DPP6: variants seen among roughly 807,000 people sequenced by gnomAD.
DPP6 encodes dipeptidyl peptidase like 6.
In DPP6, 69 loss-of-function variants were observed where a neutral mutation model predicts 122.6. The observed-to-expected ratio is 0.56, with a 90% CI of 0.46 to 0.69. The LOEUF (loss-of-function observed/expected upper bound fraction) is 0.69, where lower values mean the gene tolerates loss of function less well. Ranked by LOEUF, DPP6 falls within the 30% of genes least tolerant of loss-of-function variation. The probability of loss-of-function intolerance (pLI) is 0.00; values close to 1 mark genes in which losing one functional copy is unlikely to be tolerated. For synonymous variants in DPP6, 418 were observed against 433.1 expected, an observed-to-expected ratio of 0.97 and a Z score of 0.43; for missense variants, 928 against 1,116.9, an observed-to-expected ratio of 0.83 and a Z score of 2.41.
chr7:154,784,738 G>A (rs1489674999), intron 10 of DPP6, among the ~76,000 whole-genome samples: 4 of 152,142 alleles, frequency 2.6e-5, no homozygotes, highest in Admixed American at 2.6e-4. Flanking sequence ...AAAAGAGCAA[G>A]CTCTCAGGTC....
intron 1 of DPP6, among the ~76,000 whole-genome samples, chr7:154,160,267 A>G (rs1796912924): frequency 6.6e-6 from 1 of 152,114 alleles, no homozygotes; most frequent in African/African-American, 2.4e-5. Context: ...TCAATAGTCA[A>G]GCATCATGTA....
intron 1 of DPP6, among the ~76,000 whole-genome samples, chr7:154,391,864 A>G (rs1322213579): frequency 6.6e-6 from 1 of 152,228 alleles, no homozygotes; most frequent in Non-Finnish European, 1.5e-5. Flanking sequence ...GTGCACCAAG[A>G]GAACAGCAAC....
At chr7:154,775,157 G>T (rs1003950991) in intron 10 of DPP6, among the ~76,000 whole-genome samples, 1 of 152,188 alleles carries the variant, frequency 6.6e-6, no homozygotes, top group African/African-American at 2.4e-5. Flanking sequence ...TCAAGTGAAG[G>T]TTCTCTAGCC....
chr7:154,687,669 A>C (rs1021155268), intron 7 of DPP6, among the ~76,000 whole-genome samples: 1 of 152,150 alleles, frequency 6.6e-6, no homozygotes, highest in Admixed American at 6.5e-5. Flanking sequence ...TTATTTTGAT[A>C]TTCTTTGGCA....
At chr7:154,519,299 C>G (rs1301617614) in intron 3 of DPP6, among the ~76,000 whole-genome samples, 1 of 152,222 alleles carries the variant, frequency 6.6e-6, no homozygotes, top group African/African-American at 2.4e-5. Flanking sequence ...GTCTGTCCCT[C>G]TGTCCCTCTG....
intron 10 of DPP6, among the ~76,000 whole-genome samples, chr7:154,774,223 T>C (rs1250210958): frequency 6.6e-6 from 1 of 152,056 alleles, no homozygotes; most frequent in Non-Finnish European, 1.5e-5. Context: ...CAGCCCAAGG[T>C]GTGCGCTGGT....
chr7:154,243,263 A>G (rs1801760713), intron 1 of DPP6, among the ~76,000 whole-genome samples: 1 of 152,194 alleles, frequency 6.6e-6, no homozygotes, highest in Non-Finnish European at 1.5e-5. Flanking sequence ...ACATGAATAT[A>G]AGACCCATGA....
At chr7:154,654,771 A>AT (rs1337213047) in intron 6 of DPP6, among the ~76,000 whole-genome samples, 2 of 152,034 alleles carry the variant, frequency 1.3e-5, no homozygotes, top group Non-Finnish European at 2.9e-5. Context: ...GTCTGGGAAA[A>AT]TTTTAAAATT....
rs1303693492 is a variant in DPP6 at position 154,821,212 on chromosome 7, A to G, written c.1666+14100A>G. ...TGGCTGCTAGAGAGCTTAGCATGAA[A>G]TGTGTGGCATATGTGGGTAGGTCTT... On this transcript the variant is annotated intron_variant, in intron 16 of 25. Coordinates refer to ENST00000377770, the MANE Select transcript of DPP6 (RefSeq NM_130797.4). The surrounding 1 kb of genome is among the most constrained non-coding windows in gnomAD (Gnocchi z 4.2). 1.3e-5 allele frequency among the ~76,000 whole-genome samples: 2 copies of G among 152,210 alleles called. No individual in the cohort carries two copies. The highest frequency in any genetic ancestry group is 2.9e-5 in the Non-Finnish European group (2 of 68,034).
Position 154,722,172 on chromosome 7 carries a change from A to G in DPP6, c.763-5595A>G, listed in dbSNP as rs1174483333. ...ATCACACCACTGCACTCCAGCCTGCACAACAGAGAAAGACCCTGCCTTCCA... is the reference window on the plus strand; with the variant it reads ...ATCACACCACTGCACTCCAGCCTGCGCAACAGAGAAAGACCCTGCCTTCCA... On this transcript the variant is annotated intron_variant, in intron 7 of 25. Transcript: ENST00000377770. 1.1e-4 allele frequency among the ~76,000 whole-genome samples: 16 copies of G among 152,196 alleles called. No individual in the cohort carries two copies. In the East Asian group the frequency reaches 3.1e-3, roughly 29 times the overall value.
At chr7:154,313,718 C>CGCAT (rs1563460564) in intron 1 of DPP6, among the ~76,000 whole-genome samples, 2 of 17,254 alleles carry the variant, frequency 1.2e-4, no homozygotes, top group African/African-American at 3.4e-4. Flanking sequence ...TATATATACA[C>CGCAT]ACACACGCAC....
rs557431246 is a variant in DPP6 at position 154,877,074 on chromosome 7, TTATAC to T, written c.2078+975_2078+979del. The stretch of plus-strand genomic sequence containing the variant: ...ACTGGACCTGGCATCTCTGTACCTA[TTATAC>T]CAGGGTGCTTTGTGCGTTTGGAAAT... On this transcript the variant is annotated intron_variant, in intron 20 of 25. Transcript: ENST00000377770. The surrounding 1 kb of genome is among the most constrained non-coding windows in gnomAD (Gnocchi z 5.2). The T allele has an allele frequency of 5.3e-4, 81 of 152,344 alleles. No homozygotes were observed. Among genetic ancestry groups the T allele is most frequent in the African/African-American group, 1.7e-3 (69 of 41,566 alleles). 9.4% of individuals were successfully genotyped at this position (152,344 alleles called of 1,614,324 possible).
the DPP6 span, among the ~76,000 whole-genome samples, chr7:153,834,551 C>T: frequency 6.6e-6 from 1 of 152,132 alleles, no homozygotes. Flanking sequence ...AGCAGCATGT[C>T]ACGCATCAGG....
chr7:154,804,451 C>A (rs560566049), intron 14 of DPP6, among the ~76,000 whole-genome samples: 2 of 152,354 alleles, frequency 1.3e-5, no homozygotes, highest in Non-Finnish European at 2.9e-5. Flanking sequence ...TACCACCATA[C>A]AATTTCACCT....
intron 6 of DPP6, among the ~76,000 whole-genome samples, chr7:154,647,442 T>C (rs1169238730): frequency 6.8e-6 from 1 of 146,776 alleles, no homozygotes; most frequent in Non-Finnish European, 1.5e-5. Context: ...AGATTAACCA[T>C]GTTCTTGGGG....
chr7:154,536,949 AT>A (rs1240862462), intron 3 of DPP6, among the ~76,000 whole-genome samples: 4 of 152,172 alleles, frequency 2.6e-5, no homozygotes, highest in African/African-American at 9.7e-5. Context: ...TTAAGGCTTT[AT>A]TTTTTAAAGG....
chr7:154,090,962 T>C (rs1294011533), intron 1 of DPP6, among the ~76,000 whole-genome samples: 2 of 149,024 alleles, frequency 1.3e-5, no homozygotes, highest in South Asian at 2.1e-4. Context: ...CTACTAAAAA[T>C]ACAAAAAAAT....
intron 1 of DPP6, among the ~76,000 whole-genome samples, chr7:154,218,296 C>T (rs1800116140): frequency 6.6e-6 from 1 of 152,166 alleles, no homozygotes; most frequent in Non-Finnish European, 1.5e-5. Flanking sequence ...TACAACAAGT[C>T]CTGTCACCCT....
At chr7:154,507,664 G>A (rs1329603445) in intron 3 of DPP6, among the ~76,000 whole-genome samples, 1 of 152,158 alleles carries the variant, frequency 6.6e-6, no homozygotes, top group East Asian at 1.9e-4. Context: ...CAGGACTGGA[G>A]AGGGTTTGAT....
Sources: allele counts gnomAD v4.1 joint callset (sites outside exome capture counted in the v4.1 genomes callset), GRCh38; gene constraint gnomAD v4.1.1; non-coding constraint Gnocchi (gnomAD v3.1); transcripts MANE v1.5; gene names NCBI Gene and HGNC (gene_info 2026-07-23, HGNC 2026-07-21).